The following MEGF11 variants were observed in gnomAD, a reference collection of about 807,000 sequenced individuals.
The protein encoded by MEGF11 is multiple epidermal growth factor-like domains protein 11.
A neutral mutation model predicts 146.6 loss-of-function variants in MEGF11; 126 were observed. The ratio of observed to expected loss-of-function variants is 0.86; its 90% CI spans 0.74 to 1.00. The LOEUF is 1.00. MEGF11 is among the 50% of genes least tolerant of loss of function. MEGF11 has a pLI of 0.00. For missense variants in MEGF11, 1,509 were observed against 1,521.2 expected (o/e 0.99, Z 0.13); for synonymous variants, 532 against 583.4 (o/e 0.91, Z 1.27).
chr15:66,075,945 A>T (rs2085558326), intron 5 of MEGF11, among the ~76,000 whole-genome samples: 1 of 152,210 alleles, frequency 6.6e-6, no homozygotes, highest in Admixed American at 6.5e-5. Context: ...CTGGGCTGAA[A>T]GGTCCTTAGG....
intron 9 of MEGF11, among the ~76,000 whole-genome samples, chr15:65,964,457 A>T (rs1479252566): frequency 6.6e-6 from 1 of 152,148 alleles, no homozygotes; most frequent in African/African-American, 2.4e-5. Context: ...CTGCAGCTCA[A>T]GCCTCTACTT....
rs752278813 is a variant in MEGF11 at position 66,119,168 on chromosome 15, C to A, written c.219G>T (p.Ala73=). 1.3e-6 allele frequency: 2 copies of A among 1,551,176 alleles called. No homozygotes were observed. The highest frequency in any genetic ancestry group is 2.7e-5 in the African/African-American group (2 of 73,042). ...CTRHRISYKT[A]YRRGLRTMYR... ...ACATGGTCCGGAGGCCTCTCCGATA[C>A]GCCGTCTTATAACTGATCCTAAGGC... The change falls in exon 4 of 26, where the codon GCG becomes GCT. Residue 73 remains alanine (A), a synonymous_variant. Transcript: ENST00000395614.
chr15:66,232,554 C>A (rs1427143888), intron 1 of MEGF11, among the ~76,000 whole-genome samples: 1 of 152,142 alleles, frequency 6.6e-6, no homozygotes, highest in Admixed American at 6.5e-5. Flanking sequence ...TAGCTCTCTC[C>A]TCTAAAATCC....
chr15:65,909,122 C>A lies in MEGF11; in HGVS notation c.2910G>T (p.Gln970His), dbSNP rs1227190381. The change falls in exon 23 of 26, where the codon CAG becomes CAT. Residue 970 changes from glutamine (Q) to histidine (H), a missense_variant. Transcript: ENST00000395614. ...SYVNVLDSHF[Q>H]ISALEARYPP... ...GGTACCTGGCCTCCAGGGCACTGAT[C>A]TGGAAATGGGAGTCTAGTGAGAGGA... is the stretch of plus-strand genomic sequence containing the variant. 3 of 1,534,952 alleles carry A rather than the reference C, an allele frequency of 2.0e-6. No homozygotes were observed. The highest frequency in any genetic ancestry group is 2.7e-5 in the African/African-American group (2 of 73,036).
intron 5 of MEGF11, among the ~76,000 whole-genome samples, chr15:66,044,357 A>G (rs1425754366): frequency 2.0e-5 from 3 of 152,204 alleles, no homozygotes; most frequent in Non-Finnish European, 2.9e-5. Context: ...TAATCCATCC[A>G]TCACCTGCTC....
At chr15:66,213,665 C>T (rs1286049717) in intron 1 of MEGF11, among the ~76,000 whole-genome samples, 2 of 151,818 alleles carry the variant, frequency 1.3e-5, no homozygotes, top group African/African-American at 4.8e-5. Context: ...AATCCTCCTG[C>T]CTCAGCATCC....
chr15:65,965,228 G>T, intron 8 of MEGF11, 108 bp from the exon 9 acceptor site: 1 of 819,726 alleles, frequency 1.2e-6, no homozygotes. Flanking sequence ...GGCCTGGTGT[G>T]CTCCACGCTG....
intron 1 of MEGF11, among the ~76,000 whole-genome samples, chr15:66,144,313 C>T (rs1476706422): frequency 1.3e-5 from 2 of 152,140 alleles, no homozygotes; most frequent in African/African-American, 4.8e-5. Flanking sequence ...GAACCACCCA[C>T]CAGGAGCTCC....
intron 10 of MEGF11, among the ~76,000 whole-genome samples, chr15:65,951,607 A>T (rs1775331194): frequency 6.6e-6 from 1 of 152,230 alleles, no homozygotes; most frequent in African/African-American, 2.4e-5. Flanking sequence ...GAATTGCGTG[A>T]ACCCGGGAGG....
intron 7 of MEGF11, among the ~76,000 whole-genome samples, chr15:65,971,531 T>C (rs11634666): frequency 0.048 from 7,235 of 152,148 alleles, 275 homozygotes; most frequent in Non-Finnish European, 0.069. Flanking sequence ...CAGATGAAGG[T>C]GGGGGTGGAA....
chr15:66,006,501 G>A (rs1258886152), intron 5 of MEGF11, among the ~76,000 whole-genome samples: 1 of 152,170 alleles, frequency 6.6e-6, no homozygotes, highest in Non-Finnish European at 1.5e-5. Flanking sequence ...ACATGTGGCT[G>A]AGCTCTAAGG....
At chr15:66,057,056 TCTTA>T (rs993618872) in intron 5 of MEGF11, among the ~76,000 whole-genome samples, 7 of 152,234 alleles carry the variant, frequency 4.6e-5, no homozygotes, top group Admixed American at 4.6e-4. Context: ...CAGATGTTTA[TCTTA>T]CTTAAAACCA....
chr15:65,989,929 C>T (rs1157994123), intron 5 of MEGF11, among the ~76,000 whole-genome samples: 2 of 152,188 alleles, frequency 1.3e-5, no homozygotes, highest in Admixed American at 6.5e-5. Flanking sequence ...TGCAATGGCT[C>T]GTACCTGTAA....
At chr15:66,000,971 G>A (rs1233810385) in intron 5 of MEGF11, among the ~76,000 whole-genome samples, 2 of 152,256 alleles carry the variant, frequency 1.3e-5, no homozygotes, top group South Asian at 2.1e-4. Flanking sequence ...AGAACAGCAT[G>A]GGCAAAAGGC....
intron 1 of MEGF11, among the ~76,000 whole-genome samples, chr15:66,184,684 A>C (rs2090646926): frequency 6.1e-5 from 8 of 130,130 alleles, no homozygotes; most frequent in Admixed American, 1.6e-4. Flanking sequence ...CCCTCTTTCC[A>C]CCCCTCTCCT....
Position 66,130,206 on chromosome 15 carries a change from A to G in MEGF11, c.-8-1795T>C, listed in dbSNP as rs148426540. ...AGAAAGAGCCTGCCCGGGACATGGC[A>G]TTGAGCTATGCGGAGAGTCAAAAGT... On this transcript the variant is annotated intron_variant, in intron 1 of 25. Transcript: ENST00000395614. Among the ~76,000 whole-genome samples the G allele has an allele frequency of 6.6e-5, 10 of 152,338 alleles. No individual in the cohort carries two copies. In the East Asian group the frequency reaches 1.9e-3, roughly 29 times the overall value.
At chr15:65,913,682 T>C (rs1233089499) in intron 20 of MEGF11, 55 bp downstream of exon 20, 6 of 1,463,776 alleles carry the variant, frequency 4.1e-6, no homozygotes, top group Non-Finnish European at 5.6e-6. Context: ...CAACCATTCC[T>C]GGGGTATGTG....
intron 1 of MEGF11, among the ~76,000 whole-genome samples, chr15:66,146,272 C>G (rs1469150555): frequency 3.3e-5 from 5 of 152,200 alleles, no homozygotes; most frequent in African/African-American, 1.2e-4. Flanking sequence ...CCTCATTCAC[C>G]TCCAGCGGGA....
intron 1 of MEGF11, among the ~76,000 whole-genome samples, chr15:66,146,131 G>A (rs1454693799): frequency 6.6e-6 from 1 of 152,144 alleles, no homozygotes; most frequent in African/African-American, 2.4e-5. Context: ...ATCCTTCACT[G>A]CCCGTTCTAC....
Sources: allele counts gnomAD v4.1 joint callset (sites outside exome capture counted in the v4.1 genomes callset), GRCh38; gene constraint gnomAD v4.1.1; transcripts MANE v1.5; gene names NCBI Gene and HGNC (gene_info 2026-07-23, HGNC 2026-07-21).